PITPNM2: variants seen among roughly 807,000 people sequenced by gnomAD.
The protein encoded by PITPNM2 is membrane-associated phosphatidylinositol transfer protein 2.
A neutral mutation model predicts 132.2 loss-of-function variants in PITPNM2; 35 were observed. The observed-to-expected ratio is 0.26, with a 90% confidence interval of 0.20 to 0.35. The LOEUF (loss-of-function observed/expected upper bound fraction) is 0.35, where lower values mean the gene tolerates loss of function less well. Ranked by LOEUF, PITPNM2 falls within the 10% of genes least tolerant of loss-of-function variation. The pLI is 1.00. For synonymous variants in PITPNM2, 738 were observed against 799.2 expected (o/e 0.92, Z 1.29); for missense variants, 1,332 against 1,912.0 (o/e 0.70, Z 5.66).
intron 3 of PITPNM2, among the ~76,000 whole-genome samples, chr12:123,030,081 G>A (rs1295355096): frequency 6.6e-6 from 1 of 151,512 alleles, no homozygotes; most frequent in Non-Finnish European, 1.5e-5. Context: ...CACTCATGCT[G>A]CCCATGGAGA....
intron 13 of PITPNM2, among the ~76,000 whole-genome samples, chr12:122,996,038 C>T (rs543583780): frequency 1.8e-4 from 28 of 152,326 alleles, no homozygotes; most frequent in East Asian, 1.2e-3. Context: ...CCTGCCCTGC[C>T]GCCTCTGGGC....
At chr12:123,030,044 A>T (rs2040025872) in intron 3 of PITPNM2, among the ~76,000 whole-genome samples, 1 of 112,356 alleles carries the variant, frequency 8.9e-6, no homozygotes, top group South Asian at 3.7e-4. Context: ...GACTGACAGG[A>T]AACTGCGAGG....
chr12:123,014,031 A>G lies in PITPNM2; in HGVS notation c.90T>C (p.Arg30=), dbSNP rs2039317284. The part of the protein sequence containing the change: ...AQLYMIQKKS[R]NETYGEGSGV... The stretch of plus-strand genomic sequence containing the variant: ...CGCTGCCTTCGCCATATGTCTCGTT[A>G]CGGCTCTTCTTCTGTGGGGACAAAA... Residue 30 remains arginine, a synonymous_variant, in exon 4 of 26, where the codon CGT becomes CGC. Transcript: ENST00000320201. The G allele has an allele frequency of 6.2e-7, 1 of 1,614,080 alleles. No homozygotes were observed. Among genetic ancestry groups the G allele is most frequent in the African/African-American group, 1.3e-5 (1 of 74,940 alleles).
At chr12:123,105,883 G>A (rs1338624676) in intron 2 of PITPNM2, among the ~76,000 whole-genome samples, 2 of 152,216 alleles carry the variant, frequency 1.3e-5, no homozygotes, top group Admixed American at 6.5e-5. Flanking sequence ...AGGCAGAGAT[G>A]TAGAGAAACC....
intron 2 of PITPNM2, among the ~76,000 whole-genome samples, chr12:123,071,382 G>C (rs60424338): frequency 0.049 from 7,498 of 152,266 alleles, 622 homozygotes; most frequent in African/African-American, 0.17. Context: ...TGCTGACCAC[G>C]TGTTGTGCTT....
rs568313501 is a variant in PITPNM2, at chr12:122,992,657, C to T, written c.2246G>A (p.Arg749Gln). Residue 749 changes from arginine to glutamine, a missense_variant, in exon 16 of 26, where the codon CGG (arginine) becomes CAG (glutamine). By Grantham distance (43) the Arg-to-Gln change is conservative (BLOSUM62 1). Around this residue, in one of 6 missense-constraint regions of PITPNM2, gnomAD observed 710 missense variants for 911.5 expected, o/e 0.78. Coordinates refer to ENST00000320201, the MANE Select transcript of PITPNM2 (RefSeq NM_020845.3). This position sits in a 1 kb window ranked among gnomAD's most constrained non-coding sequence, Gnocchi z 6.5. ...GTTGTAGACTTGCTGGCAGGCCGGC[C>T]GCAGCTGGAAAACTGGGGGTGGGGG... The part of the protein sequence containing the change: ...VIPALDVFQL[R>Q]PACQQVYNLF... 5.3e-5 allele frequency: 82 copies of T among 1,553,688 alleles called. No homozygotes were observed. Among genetic ancestry groups the T allele is most frequent in the Middle Eastern group, 3.6e-4 (2 of 5,512 alleles).
intron 2 of PITPNM2, among the ~76,000 whole-genome samples, chr12:123,055,037 T>G (rs571298551): frequency 6.6e-6 from 1 of 152,126 alleles, no homozygotes; most frequent in South Asian, 2.1e-4. Context: ...CACTCCAGCC[T>G]GGGCGAGAGA....
intron 20 of PITPNM2, 29 bp downstream of exon 20, chr12:122,988,205 G>C (rs1417142505): frequency 6.3e-7 from 1 of 1,575,926 alleles, no homozygotes; most frequent in East Asian, 2.2e-5. Context: ...GTGACATCGT[G>C]GGGGCCTGGG....
Position 122,992,028 on chromosome 12 carries a change from G to A in PITPNM2, c.2404+471C>T. On this transcript the variant is annotated intron_variant, in intron 16 of 25. Transcript: ENST00000320201. The surrounding 1 kb of genome is among the most constrained non-coding windows in gnomAD (Gnocchi z 6.5). ...TGACAAGACGCTGGGACACACGCTGGGGCAGGGGTCGGGCCAAGCCTACCT... is the reference window on the plus strand; with the variant it reads ...TGACAAGACGCTGGGACACACGCTGAGGCAGGGGTCGGGCCAAGCCTACCT... The A allele has an allele frequency of 2.3e-6, 2 of 878,340 alleles. No individual in the cohort carries two copies. Among genetic ancestry groups the A allele is most frequent in the Non-Finnish European group, 3.0e-6 (2 of 659,872 alleles). The allele number at this position is 878,340 out of a possible 1,614,324, so 54.4% of individuals were successfully genotyped here.
At chr12:122,996,195 C>G (rs1158542715) in intron 13 of PITPNM2, among the ~76,000 whole-genome samples, 1 of 152,254 alleles carries the variant, frequency 6.6e-6, no homozygotes, top group African/African-American at 2.4e-5. Context: ...CTCAGCTCCC[C>G]TGCACCCCCA....
At chr12:123,123,287 A>G (rs1566302250) in intron 1 of PITPNM2, among the ~76,000 whole-genome samples, 1 of 152,234 alleles carries the variant, frequency 6.6e-6, no homozygotes, top group Non-Finnish European at 1.5e-5. Context: ...GATGCACAAC[A>G]ATAGGCAGCC....
chr12:123,103,959 T>C (rs540294990), intron 2 of PITPNM2, among the ~76,000 whole-genome samples: 1 of 152,288 alleles, frequency 6.6e-6, no homozygotes, highest in African/African-American at 2.4e-5. Flanking sequence ...TTGCGCAGGC[T>C]GGAGTGCAGT....
chr12:123,001,070 C>T lies in PITPNM2; in HGVS notation c.1137G>A (p.Glu379=). Residue 379 remains glutamate (E), a synonymous_variant, in exon 9 of 26, where the codon GAG becomes GAA. Coordinates refer to ENST00000320201, the MANE Select transcript of PITPNM2 (RefSeq NM_020845.3). The part of the protein sequence containing the change: ...NDLMDKIESP[E]PEDTQDGLYR... ...CCTGCTGACCTTGTGTGTCTTCCGG[C>T]TCTGGGCTCTCGATCTTGTCCATGA... 3 of 1,614,160 alleles carry T rather than the reference C, an allele frequency of 1.9e-6. No individual in the cohort carries two copies. The highest frequency in any genetic ancestry group is 4.5e-5 in the East Asian group (2 of 44,888).
rs550494768 is a variant in PITPNM2, at chr12:123,034,744, A to G, written c.-95-59T>C. On this transcript the variant is annotated intron_variant, in intron 2 of 25. Coordinates refer to ENST00000320201, the MANE Select transcript of PITPNM2 (RefSeq NM_020845.3). ...CTTTCTGCAAAGGCTGGTGAATACC[A>G]TAGCACAGAGGAAAGGCCCGGTCTA... 8 of 667,280 alleles carry G rather than the reference A, an allele frequency of 1.2e-5. No homozygotes were observed. The African/African-American group carries it at 1.4e-4, about 12-fold the overall frequency. 41.3% of individuals were successfully genotyped at this position (667,280 alleles called of 1,614,324 possible).
Position 123,095,211 on chromosome 12 carries a change from G to A in PITPNM2, c.-96+15174C>T, listed in dbSNP as rs373387186. The stretch of plus-strand genomic sequence containing the variant: ...GGGGAATGGGCTGCTCCCCTGGGGA[G>A]TCGGTTATCTCTGCTCCAGACCCTG... On this transcript the variant is annotated intron_variant, in intron 2 of 25. Coordinates refer to ENST00000320201, the MANE Select transcript of PITPNM2 (RefSeq NM_020845.3). The surrounding 1 kb of genome is among the most constrained non-coding windows in gnomAD (Gnocchi z 5.0). 3.9e-5 allele frequency among the ~76,000 whole-genome samples: 6 copies of A among 152,162 alleles called. No individual in the cohort carries two copies. The East Asian group carries it at 7.7e-4, about 20-fold the overall frequency.
rs1331230021 is a variant in PITPNM2, at chr12:123,021,887, T to C, written c.79-7845A>G. 4.2e-5 allele frequency: 8 copies of C among 190,418 alleles called. No individual in the cohort carries two copies. The Admixed American group carries it at 5.2e-4, about 12-fold the overall frequency. 11.8% of individuals were successfully genotyped at this position (190,418 alleles called of 1,614,324 possible). On this transcript the variant is annotated intron_variant, in intron 3 of 25. Coordinates refer to ENST00000320201, the MANE Select transcript of PITPNM2 (RefSeq NM_020845.3). ...AGAAGCAATAGTACTGGCTAGGTTG[T>C]TGAGAAAATTAGATGCGAGCATGTG...
In PITPNM2 at chr12:122,989,880, T is replaced by TG; in HGVS notation, c.2637dup (p.Ser880GlnfsTer26). On this transcript the variant is annotated frameshift_variant, in exon 18 of 26. Coordinates refer to ENST00000320201, the MANE Select transcript of PITPNM2 (RefSeq NM_020845.3). LOFTEE classifies it high-confidence loss of function. ...GGGTGGGGGCCAGGGGTGGTGGGGC[T>TG]GGGGGCGGGCAGGGCGAGCAGGGAC... 3.7e-5 allele frequency: 6 copies of TG among 160,284 alleles called. No homozygotes were observed. Among genetic ancestry groups the TG allele is most frequent in the South Asian group, 3.1e-4 (2 of 6,416 alleles). 9.9% of individuals were successfully genotyped at this position (160,284 alleles called of 1,614,324 possible). A position where few individuals can be genotyped will look rare whatever the true frequency, so the allele number is the denominator to read the frequency against.
intron 2 of PITPNM2, among the ~76,000 whole-genome samples, chr12:123,068,255 CAGG>C (rs2041498179): frequency 6.6e-6 from 1 of 152,074 alleles, no homozygotes; most frequent in Non-Finnish European, 1.5e-5. Flanking sequence ...ATCACAAAGT[CAGG>C]AGATCGAGAA....
At chr12:123,034,252 T>G in intron 3 of PITPNM2, 2 of 494,466 alleles carry the variant, frequency 4.0e-6, no homozygotes, top group Non-Finnish European at 3.6e-6. Context: ...ATAATGGTGC[T>G]GAACGCAAGG....
Sources: gnomAD v4.1 joint callset for allele counts (sites outside exome capture counted in the v4.1 genomes callset) on GRCh38, gnomAD v4.1.1 for gene constraint, gnomAD v4.1.1 regional missense constraint, Gnocchi (gnomAD v3.1) non-coding constraint, MANE v1.5 for transcripts, NCBI Gene and HGNC (gene_info 2026-07-23, HGNC 2026-07-21) for gene names.